DNM1L: variants seen among roughly 807,000 people sequenced by gnomAD.
DNM1L encodes the protein dynamin 1L.
In DNM1L, 33 loss-of-function variants were observed where a neutral mutation model predicts 92.8. The ratio of observed to expected loss-of-function variants is 0.36; its 90% CI spans 0.27 to 0.48. DNM1L has a LOEUF of 0.48. Ranked by LOEUF, DNM1L falls within the 20% of genes least tolerant of loss-of-function variation. The pLI is 0.99. For synonymous variants in DNM1L, 284 were observed against 305.0 expected (o/e 0.93, Z 0.72); for missense variants, 485 against 888.8 (o/e 0.55, Z 5.78).
chr12:32,690,883 T>G (rs1280816037), intron 1 of DNM1L, among the ~76,000 whole-genome samples: 1 of 152,184 alleles, frequency 6.6e-6, no homozygotes, highest in Non-Finnish European at 1.5e-5. Flanking sequence ...CTGATGGCAT[T>G]AAAAAAATCA....
At chr12:32,741,537 G>T (rs1955291776) in intron 18 of DNM1L, among the ~76,000 whole-genome samples, 1 of 152,122 alleles carries the variant, frequency 6.6e-6, no homozygotes, top group African/African-American at 2.4e-5. Flanking sequence ...TACCTGTCTT[G>T]GCCTCCCAAA....
intron 5 of DNM1L, chr12:32,711,280 C>T: frequency 2.5e-6 from 1 of 400,556 alleles, no homozygotes; most frequent in Non-Finnish European, 4.6e-6. Flanking sequence ...ACAGTAAGTG[C>T]CCCAGAGCTC....
rs1300071870 is a variant in DNM1L at position 32,731,385 on chromosome 12, G to A, written c.1230G>A (p.Glu410=). 6 of 1,614,002 alleles carry A rather than the reference G, an allele frequency of 3.7e-6. No homozygotes were observed. Among genetic ancestry groups the A allele is most frequent in the Non-Finnish European group, 5.1e-6 (6 of 1,180,042 alleles). The stretch of plus-strand genomic sequence containing the variant: ...CTCGTCCTGCTTTATTTGTGCCTGA[G>A]GTTTCATTTGAGTTACTGGTGAAGC... ...TGPRPALFVP[E]VSFELLVKRQ... The change falls in exon 11 of 20, where the codon GAG becomes GAA. Residue 410 remains glutamate (E), a synonymous_variant. Coordinates refer to ENST00000549701, the MANE Select transcript of DNM1L (RefSeq NM_012062.5). This position sits in a 1 kb window ranked among gnomAD's most constrained non-coding sequence, Gnocchi z 5.1.
Position 32,737,884 on chromosome 12 carries a change from C to T in DNM1L, c.1616C>T (p.Ala539Val), listed in dbSNP as rs1955008090. ...SRDKSSKVPS[A>V]LAPASQEPSP... ...CTTTAGTCTTCTAAAGTTCCAAGTGCTTTGGCACCTGCCTCCCAGGAGCCC... is the reference window on the plus strand; with the variant it reads ...CTTTAGTCTTCTAAAGTTCCAAGTGTTTTGGCACCTGCCTCCCAGGAGCCC... Residue 539 changes from alanine (A) to valine (V), a missense_variant, in exon 15 of 20, where the codon GCT (alanine) becomes GTT (valine). Coordinates refer to ENST00000549701, the MANE Select transcript of DNM1L (RefSeq NM_012062.5). 1.2e-6 allele frequency: 2 copies of T among 1,613,856 alleles called. No individual in the cohort carries two copies. The highest frequency in any genetic ancestry group is 1.3e-5 in the African/African-American group (1 of 74,878).
chr12:32,683,744 T>TGTG (rs1410599696), intron 1 of DNM1L, among the ~76,000 whole-genome samples: 2 of 152,068 alleles, frequency 1.3e-5, no homozygotes, highest in East Asian at 3.9e-4. Context: ...GGGGTTTCAC[T>TGTG]GTGTTGGTCA....
At chr12:32,726,433 G>C (rs1476597297) in intron 9 of DNM1L, 3 of 1,452,142 alleles carry the variant, frequency 2.1e-6, no homozygotes, top group East Asian at 4.5e-5. Flanking sequence ...TCATAGTCTG[G>C]ATCATTTTCC....
chr12:32,717,038 T>G (rs1017733344), intron 6 of DNM1L, among the ~76,000 whole-genome samples: 1 of 141,472 alleles, frequency 7.1e-6, no homozygotes, highest in Admixed American at 7.7e-5. Flanking sequence ...CAATTTTACC[T>G]ATGGTATTTT....
chr12:32,709,958 T>C (rs1264348252), intron 4 of DNM1L, among the ~76,000 whole-genome samples: 2 of 152,046 alleles, frequency 1.3e-5, no homozygotes, highest in African/African-American at 4.8e-5. Flanking sequence ...GAAATTAGAA[T>C]TTTCAGTGGG....
At chr12:32,717,199 TTATA>T (rs927140116) in intron 6 of DNM1L, among the ~76,000 whole-genome samples, 3 of 116,636 alleles carry the variant, frequency 2.6e-5, no homozygotes, top group African/African-American at 6.6e-5. Flanking sequence ...CTATATATAT[TTATA>T]TATACTATAA....
intron 1 of DNM1L, among the ~76,000 whole-genome samples, chr12:32,691,378 A>G (rs1952228106): frequency 6.6e-6 from 1 of 152,148 alleles, no homozygotes; most frequent in Non-Finnish European, 1.5e-5. Context: ...AGCTGGGACT[A>G]TAGGCACGTG....
intron 16 of DNM1L, 103 bp from the exon 17 acceptor site, chr12:32,739,961 A>G (rs1413439916): frequency 6.9e-7 from 1 of 1,453,796 alleles, no homozygotes; most frequent in South Asian, 1.2e-5. Context: ...TAAACTTCAG[A>G]TGGGTACTGG....
intron 2 of DNM1L, 33 bp from the exon 3 acceptor site, chr12:32,707,334 A>C: frequency 6.4e-7 from 1 of 1,569,426 alleles, no homozygotes; most frequent in Non-Finnish European, 8.7e-7. Flanking sequence ...TAGTTTCCAT[A>C]GTTTCCAATA....
intron 1 of DNM1L, among the ~76,000 whole-genome samples, chr12:32,696,710 C>T (rs1189678948): frequency 2.6e-5 from 4 of 151,400 alleles, no homozygotes; most frequent in African/African-American, 4.9e-5. Flanking sequence ...CTGCAACCTC[C>T]GCCTCCCGGG....
rs28521222 is a variant in DNM1L, at chr12:32,724,597, T to A, written c.1079+1964T>A. Among the ~76,000 whole-genome samples, 119 of 49,954 alleles carry A rather than the reference T, an allele frequency of 2.4e-3. 1 individual carries two copies. Among genetic ancestry groups the A allele is most frequent in the African/African-American group, 4.3e-3 (70 of 16,216 alleles). The allele number at this position is 49,954 out of a possible 152,430, so 32.8% of individuals were successfully genotyped here. Reference sequence around the variant, plus strand: ...TCTCCAAAAAAAAAAAAAAAAAATATATATATATATATATATATATATAAA... The same window carrying A: ...TCTCCAAAAAAAAAAAAAAAAAATAAATATATATATATATATATATATAAA... On this transcript the variant is annotated intron_variant, in intron 9 of 19. Transcript: ENST00000549701.
In DNM1L at chr12:32,680,870, C is replaced by T. The variant is rs148131103; in HGVS notation, c.102+1405C>T. On this transcript the variant is annotated intron_variant, in intron 1 of 19. Coordinates refer to ENST00000549701, the MANE Select transcript of DNM1L (RefSeq NM_012062.5). ...AAGTTAGAGATAATATAAATTAAGTCTTTGATAGTAAGTGATTCAGAAGTG... is the reference window on the plus strand; with the variant it reads ...AAGTTAGAGATAATATAAATTAAGTTTTTGATAGTAAGTGATTCAGAAGTG... Among the ~76,000 whole-genome samples, 734 of 152,216 alleles carry T rather than the reference C, an allele frequency of 4.8e-3. 8 individuals carry two copies. The highest frequency in any genetic ancestry group is 4.3e-3 in the Non-Finnish European group (294 of 68,020).
rs36039451 is a variant in DNM1L, at chr12:32,742,888, CTTTTTTTTTTTTTT to C, written c.2154+152_2154+165del. ...TTTCCTGTTGGTACTTGATAAGAAT[CTTTTTTTTTTTTTT>C]TTTTTTTTTTTGAGTGGGAGTCTGG... is the stretch of plus-strand genomic sequence containing the variant. On this transcript the variant is annotated intron_variant, in intron 19 of 19. Coordinates refer to ENST00000549701, the MANE Select transcript of DNM1L (RefSeq NM_012062.5). 56 of 248,722 alleles carry C rather than the reference CTTTTTTTTTTTTTT, an allele frequency of 2.3e-4. No homozygotes were observed. In the East Asian group the frequency reaches 3.2e-3, roughly 14 times the overall value. 15.4% of individuals were successfully genotyped at this position (248,722 alleles called of 1,614,324 possible). A position where few individuals can be genotyped will look rare whatever the true frequency, so the allele number is the denominator to read the frequency against.
chr12:32,726,544 T>G (rs1954159173), intron 9 of DNM1L: 16 of 1,135,492 alleles, frequency 1.4e-5, no homozygotes, highest in Non-Finnish European at 1.6e-5. Flanking sequence ...AACACTGATC[T>G]TGGGATTGTA....
intron 7 of DNM1L, 63 bp downstream of exon 7, chr12:32,718,826 A>G: frequency 6.2e-7 from 1 of 1,601,752 alleles, no homozygotes; most frequent in Admixed American, 1.7e-5. Context: ...AAGCATTCTC[A>G]CTTCAGAGCA....
chr12:32,682,794 GTGAGGGA>G, intron 1 of DNM1L, among the ~76,000 whole-genome samples: 1 of 152,196 alleles, frequency 6.6e-6, no homozygotes, highest in Non-Finnish European at 1.5e-5. Flanking sequence ...AGGAGTGGAG[GTGAGGGA>G]ATCCTGTTTA....
Sources: gnomAD v4.1 joint callset for allele counts (sites outside exome capture counted in the v4.1 genomes callset) on GRCh38, gnomAD v4.1.1 for gene constraint, Gnocchi (gnomAD v3.1) non-coding constraint, MANE v1.5 for transcripts, NCBI Gene and HGNC (gene_info 2026-07-23, HGNC 2026-07-21) for gene names.